The following DNAJC8 variants were observed in gnomAD, a reference collection of about 807,000 sequenced individuals.
DNAJC8 encodes DnaJ heat shock protein family (Hsp40) member C8.
In DNAJC8, 24 loss-of-function variants were observed where a neutral mutation model predicts 43.2. The observed-to-expected ratio is 0.56, with a 90% CI of 0.40 to 0.78. The LOEUF is 0.78. Among genes scored for constraint, DNAJC8 ranks in the 30% least tolerant of loss-of-function variants. DNAJC8 has a pLI of 0.00. For missense variants in DNAJC8, 207 were observed against 299.4 expected (o/e 0.69, Z 2.28); for synonymous variants, 83 against 98.0 (o/e 0.85, Z 0.90).
intron 2 of DNAJC8, among the ~76,000 whole-genome samples, chr1:28,227,136 C>T (rs1479568504): frequency 8.8e-6 from 1 of 114,036 alleles, no homozygotes; most frequent in South Asian, 2.8e-4. Flanking sequence ...TGGACAGGCG[C>T]GGTGGCTCAC....
intron 2 of DNAJC8, among the ~76,000 whole-genome samples, chr1:28,216,278 G>T (rs998867684): frequency 6.6e-5 from 10 of 152,148 alleles, no homozygotes; most frequent in African/African-American, 2.4e-4. Context: ...AAGGAGAAAG[G>T]AACTGGGAAA....
At chr1:28,217,983 T>C (rs963177123) in intron 2 of DNAJC8, among the ~76,000 whole-genome samples, 4 of 151,958 alleles carry the variant, frequency 2.6e-5, no homozygotes, top group Non-Finnish European at 4.4e-5. Context: ...CCCATTTGCA[T>C]GTGGACTGTA....
chr1:28,227,591 A>G (rs1646945402), intron 2 of DNAJC8, among the ~76,000 whole-genome samples: 6 of 151,790 alleles, frequency 4.0e-5, no homozygotes, highest in Admixed American at 3.9e-4. Context: ...CCCTGTCTCA[A>G]AAAAATAAAA....
chr1:28,220,003 C>T (rs969946092), intron 2 of DNAJC8, among the ~76,000 whole-genome samples: 2 of 128,490 alleles, frequency 1.6e-5, no homozygotes, highest in African/African-American at 7.1e-5. Context: ...GTGTTATTTT[C>T]CAATGGGTGA....
Position 28,228,943 on chromosome 1 carries a change from G to GT in DNAJC8, c.158dup (p.Tyr53Ter). The stretch of plus-strand genomic sequence containing the variant: ...TCACCTCAAATGGGTTCAAATTGAA[G>GT]TAAGAGGAACCAGGACGGGTCAGTC... Reference protein sequence around the residue: ...IERLTRPGSSYFNLNPFEVLQ... With the variant: ...IERLTRPGSS Residue 53 changes from tyrosine (Y) to a stop codon, truncating the protein, a stop_gained and frameshift_variant, in exon 2 of 9, where the codon TAC becomes TAAC. Transcript: ENST00000263697. LOFTEE classifies it high-confidence loss of function. The GT allele has an allele frequency of 6.2e-7, 1 of 1,612,918 alleles. No individual in the cohort carries two copies. The highest frequency in any genetic ancestry group is 1.1e-5 in the South Asian group (1 of 91,024).
intron 6 of DNAJC8, among the ~76,000 whole-genome samples, chr1:28,205,831 G>A (rs1207974925): frequency 6.6e-6 from 1 of 152,008 alleles, no homozygotes; most frequent in Non-Finnish European, 1.5e-5. Context: ...GAGGTTGCAG[G>A]GAGCTGAGAT....
At position 28,200,757 on chromosome 1, in the gene DNAJC8, C is replaced by T; in HGVS notation, c.*491G>A. The T allele has an allele frequency of 2.3e-6, 1 of 443,092 alleles. No individual in the cohort carries two copies. Among genetic ancestry groups the T allele is most frequent in the South Asian group, 1.6e-5 (1 of 62,894 alleles). The allele number at this position is 443,092 out of a possible 1,614,324, so 27.4% of individuals were successfully genotyped here. A position where few individuals can be genotyped will look rare whatever the true frequency, so the allele number is the denominator to read the frequency against. On this transcript the variant is annotated 3_prime_UTR_variant, in exon 9 of 9. Transcript: ENST00000263697. ...AGGGCATCAGATGCTGCTCTGTGTG[C>T]TCACAAGTGTTCCCTGTCTTATCTG...
Position 28,232,776 on chromosome 1 carries a change from C to G in DNAJC8, c.78+145G>C, listed in dbSNP as rs1373620101. 5 of 770,838 alleles carry G rather than the reference C, an allele frequency of 6.5e-6. No homozygotes were observed. The African/African-American group carries it at 7.0e-5, about 11-fold the overall frequency. The allele number at this position is 770,838 out of a possible 1,614,324, so 47.7% of individuals were successfully genotyped here. A position where few individuals can be genotyped will look rare whatever the true frequency, so the allele number is the denominator to read the frequency against. ...AGCAGCTATCAGTGGGAGACGCTCACACACCCCCAGACCCCCGCCACCCCG... is the reference window on the plus strand; with the variant it reads ...AGCAGCTATCAGTGGGAGACGCTCAGACACCCCCAGACCCCCGCCACCCCG... On this transcript the variant is annotated intron_variant, in intron 1 of 8. Transcript: ENST00000263697.
Position 28,200,469 on chromosome 1 carries a change from G to A in DNAJC8, c.*779C>T, listed in dbSNP as rs765920785. ...GATGAAGAAACTAAGGTTCAGCCAG[G>A]TCTGTCCAACCCCAAAGCATTTTGG... On this transcript the variant is annotated 3_prime_UTR_variant, in exon 9 of 9. Transcript: ENST00000263697. 1 of 456,288 alleles carries A rather than the reference G, an allele frequency of 2.2e-6. No individual in the cohort carries two copies. Among genetic ancestry groups the A allele is most frequent in the Admixed American group, 2.4e-5 (1 of 42,524 alleles). The allele number at this position is 456,288 out of a possible 1,614,324, so 28.3% of individuals were successfully genotyped here. A position where few individuals can be genotyped will look rare whatever the true frequency, so the allele number is the denominator to read the frequency against.
At chr1:28,222,997 C>G (rs1286186714) in intron 2 of DNAJC8, among the ~76,000 whole-genome samples, 1 of 152,098 alleles carries the variant, frequency 6.6e-6, no homozygotes, top group East Asian at 1.9e-4. Flanking sequence ...TGAGACCAAG[C>G]AAGGTACGGA....
rs187475555 is a variant in DNAJC8 at position 28,211,406 on chromosome 1, T to A, written c.238-769A>T. On this transcript the variant is annotated intron_variant, in intron 3 of 8. Coordinates refer to ENST00000263697, the MANE Select transcript of DNAJC8 (RefSeq NM_014280.3). ...TCGGATTAGGGATGCTCGACCATTA[T>A]GCATTCTGCAAATATTCCAAAATCT... Among the ~76,000 whole-genome samples the A allele has an allele frequency of 3.2e-4, 49 of 152,390 alleles. No individual in the cohort carries two copies. The Middle Eastern group carries it at 0.01, about 32-fold the overall frequency.
At chr1:28,203,931 T>C (rs1646752878) in intron 7 of DNAJC8, 109 bp from the exon 8 acceptor site, 2 of 1,069,852 alleles carry the variant, frequency 1.9e-6, no homozygotes, top group African/African-American at 1.6e-5. Flanking sequence ...ATCAATTCCC[T>C]AGAAGTCTAC....
At chr1:28,205,419 T>TC in intron 6 of DNAJC8, 70 bp from the exon 7 acceptor site, 1 of 1,152,626 alleles carries the variant, frequency 8.7e-7, no homozygotes, top group Non-Finnish European at 1.3e-6. Context: ...CCATGTACTT[T>TC]CACCTGGAGT....
chr1:28,207,808 C>T (rs1646780315), intron 6 of DNAJC8, among the ~76,000 whole-genome samples: 1 of 151,712 alleles, frequency 6.6e-6, no homozygotes, highest in African/African-American at 2.4e-5. Flanking sequence ...GTAATCCCAA[C>T]ACTTTGGGAG....
intron 8 of DNAJC8, among the ~76,000 whole-genome samples, 177 bp from the exon 9 acceptor site, chr1:28,201,547 G>A (rs960476090): frequency 2.6e-5 from 4 of 152,136 alleles, no homozygotes; most frequent in African/African-American, 2.4e-5. Flanking sequence ...CCAGCACTTC[G>A]GGAGGCCGAG....
intron 2 of DNAJC8, among the ~76,000 whole-genome samples, chr1:28,219,753 C>T (rs1646886156): frequency 2.0e-5 from 1 of 49,426 alleles, no homozygotes; most frequent in Admixed American, 2.4e-4. Flanking sequence ...TCTCAGCTCA[C>T]TTCAACCTCC....
At chr1:28,228,367 AAAG>A (rs1646952303) in intron 2 of DNAJC8, among the ~76,000 whole-genome samples, 1 of 151,564 alleles carries the variant, frequency 6.6e-6, no homozygotes, top group Non-Finnish European at 1.5e-5. Context: ...AAAAAAAAAA[AAAG>A]AATCCTAAAC....
intron 2 of DNAJC8, among the ~76,000 whole-genome samples, chr1:28,219,920 G>A (rs1291784397): frequency 6.6e-6 from 1 of 152,114 alleles, no homozygotes. Flanking sequence ...CAGGCAATCT[G>A]CTCACCTCAG....
intron 3 of DNAJC8, among the ~76,000 whole-genome samples, chr1:28,210,968 G>T (rs754066429): frequency 1.3e-5 from 2 of 152,032 alleles, no homozygotes; most frequent in Non-Finnish European, 2.9e-5. Context: ...CCAGGACTTC[G>T]AGACCAGCCT....
Sources: gnomAD v4.1 joint callset for allele counts (sites outside exome capture counted in the v4.1 genomes callset) on GRCh38, gnomAD v4.1.1 for gene constraint, MANE v1.5 for transcripts, NCBI Gene and HGNC (gene_info 2026-07-23, HGNC 2026-07-21) for gene names.